The following LINGO2 variants were observed in gnomAD, a reference collection of about 807,000 sequenced individuals.
LINGO2 encodes leucine rich repeat and Ig domain containing 2.
A neutral mutation model predicts 30.6 loss-of-function variants in LINGO2; 14 were observed. The ratio of observed to expected loss-of-function variants is 0.46; its 90% confidence interval spans 0.30 to 0.72. LINGO2 has a LOEUF of 0.72. LINGO2 is among the 30% of genes least tolerant of loss of function. The pLI is 0.07. For synonymous variants in LINGO2, 317 were observed against 288.5 expected (o/e 1.10, Z -1.00); for missense variants, 729 against 751.7 (o/e 0.97, Z 0.35).
intron 1 of LINGO2, among the ~76,000 whole-genome samples, chr9:28,600,342 T>C (rs1001089173): frequency 6.6e-6 from 1 of 152,182 alleles, no homozygotes; most frequent in Admixed American, 6.6e-5. Flanking sequence ...ATGACAATAT[T>C]GCATTCATGA....
At chr9:28,877,965 C>T in the LINGO2 span, among the ~76,000 whole-genome samples, 1 of 152,114 alleles carries the variant, frequency 6.6e-6, no homozygotes, top group African/African-American at 2.4e-5. Context: ...AGAGGTCCTT[C>T]ACGTCCCTTG....
At chr9:28,103,565 C>A (rs1216711089) in intron 4 of LINGO2, among the ~76,000 whole-genome samples, 1 of 152,136 alleles carries the variant, frequency 6.6e-6, no homozygotes, top group Non-Finnish European at 1.5e-5. Flanking sequence ...AGCCAGCAGT[C>A]CCAAGAAGCA....
intron 1 of LINGO2, among the ~76,000 whole-genome samples, chr9:28,663,644 T>C (rs1189594514): frequency 6.6e-6 from 1 of 152,192 alleles, no homozygotes; most frequent in Admixed American, 6.6e-5. Context: ...ATCTCCAAAG[T>C]ATGTATTAAT....
At position 28,064,936 on chromosome 9, in the gene LINGO2, G is replaced by A. The variant is rs144195508; in HGVS notation, c.-86-52531C>T. 5.3e-5 allele frequency among the ~76,000 whole-genome samples: 8 copies of A among 151,576 alleles called. No individual in the cohort carries two copies. In the East Asian group the frequency reaches 1.6e-3, roughly 30 times the overall value. ...CTTGAAAACACAGGGTTCTGTGAAC[G>A]TGTTAAATAGTGACTTGGTAAGGCA... On this transcript the variant is annotated intron_variant, in intron 4 of 5. Coordinates refer to ENST00000379992, the Ensembl canonical transcript of LINGO2.
At chr9:28,867,711 A>G in the LINGO2 span, among the ~76,000 whole-genome samples, 1 of 152,152 alleles carries the variant, frequency 6.6e-6, no homozygotes, top group Non-Finnish European at 1.5e-5. Flanking sequence ...GAGGCACACA[A>G]AAAAGTGTAA....
chr9:28,198,791 T>C (rs13288418), intron 4 of LINGO2, among the ~76,000 whole-genome samples: 1 of 152,036 alleles, frequency 6.6e-6, no homozygotes, highest in Non-Finnish European at 1.5e-5. Flanking sequence ...CTCAGTAAAG[T>C]TTAGGACAAG....
chr9:28,138,699 A>C (rs1827590829), intron 4 of LINGO2, among the ~76,000 whole-genome samples: 1 of 152,188 alleles, frequency 6.6e-6, no homozygotes, highest in Admixed American at 6.5e-5. Context: ...CATCATATAA[A>C]ACCTTACTAA....
chr9:28,671,399 A>AT (rs762799676), upstream of LINGO2, among the ~76,000 whole-genome samples: 12 of 151,524 alleles, frequency 7.9e-5, no homozygotes, highest in Non-Finnish European at 1.6e-4. Flanking sequence ...TCAGTGGCAG[A>AT]TTGGATAAAC....
Position 28,129,699 on chromosome 9 carries a change from G to GT in LINGO2, c.-86-117295dup, listed in dbSNP as rs1827331052. 6.6e-6 allele frequency: 1 copy of GT among 152,190 alleles called. No individual in the cohort carries two copies. The highest frequency in any genetic ancestry group is 6.5e-5 in the Admixed American group (1 of 15,276). The allele number at this position is 152,190 out of a possible 1,614,324, so 9.4% of individuals were successfully genotyped here. Reference sequence around the variant, plus strand: ...ATTAGTTTTTATTAGTGGTCCCATTGTAAATTTGAAAATTTCATTGCTCAA... The same window carrying GT: ...ATTAGTTTTTATTAGTGGTCCCATTGTTAAATTTGAAAATTTCATTGCTCAA... On this transcript the variant is annotated intron_variant, in intron 4 of 5. Coordinates refer to ENST00000379992, the Ensembl canonical transcript of LINGO2. This position sits in a 1 kb window ranked among gnomAD's most constrained non-coding sequence, Gnocchi z 4.0.
At chr9:28,082,936 C>A (rs1825812983) in intron 4 of LINGO2, among the ~76,000 whole-genome samples, 1 of 152,080 alleles carries the variant, frequency 6.6e-6, no homozygotes, top group South Asian at 2.1e-4. Context: ...ATCTTAATGA[C>A]CCACACTGAT....
chr9:28,790,998 T>G, the LINGO2 span, among the ~76,000 whole-genome samples: 7,247 of 152,222 alleles, frequency 0.048, 258 homozygotes, highest in Non-Finnish European at 0.074. Context: ...TGAATCTTGC[T>G]TACAGTTTCC....
At chr9:28,682,300 T>C in the LINGO2 span, among the ~76,000 whole-genome samples, 3 of 152,194 alleles carry the variant, frequency 2.0e-5, no homozygotes, top group African/African-American at 7.2e-5. Context: ...ATTAACACAG[T>C]GGTCTTTCCT....
intron 4 of LINGO2, among the ~76,000 whole-genome samples, chr9:28,078,009 G>A (rs374761439): frequency 6.7e-6 from 1 of 149,338 alleles, no homozygotes; most frequent in East Asian, 1.9e-4. Context: ...TGGTTAAGTG[G>A]TGGTTTAACA....
intron 1 of LINGO2, among the ~76,000 whole-genome samples, chr9:28,492,826 A>C (rs1826449944): frequency 6.6e-6 from 1 of 151,998 alleles, no homozygotes; most frequent in African/African-American, 2.4e-5. Context: ...AGGACTCCTA[A>C]AAGAAAAACA....
the LINGO2 span, among the ~76,000 whole-genome samples, chr9:29,130,794 A>C: frequency 2.0e-5 from 3 of 151,102 alleles, no homozygotes; most frequent in African/African-American, 7.4e-5. Context: ...ACTGCTCAAC[A>C]ATTACAACCG....
chr9:28,783,006 T>C, the LINGO2 span, among the ~76,000 whole-genome samples: 2 of 152,238 alleles, frequency 1.3e-5, no homozygotes, highest in Non-Finnish European at 2.9e-5. Context: ...AAGGATTATG[T>C]ATCTATACAT....
chr9:28,012,453 G>T (rs995644018), intron 4 of LINGO2: 5 of 151,964 alleles, frequency 3.3e-5, no homozygotes, highest in African/African-American at 1.2e-4. Context: ...GAGTCTTCTA[G>T]GTTCTAACCT....
intron 1 of LINGO2, among the ~76,000 whole-genome samples, chr9:28,489,896 CAAAA>C (rs36068240): frequency 1.5e-5 from 1 of 66,920 alleles, no homozygotes; most frequent in East Asian, 3.6e-4. Context: ...GACTTTGTCT[CAAAA>C]AAAAAAAAAA....
chr9:28,396,565 A>G (rs939675381), intron 2 of LINGO2, among the ~76,000 whole-genome samples: 11 of 151,842 alleles, frequency 7.2e-5, no homozygotes, highest in Non-Finnish European at 1.5e-4. Flanking sequence ...TTAGCCGGGC[A>G]TGGTGGCGGG....
Sources: gnomAD v4.1 joint callset for allele counts (sites outside exome capture counted in the v4.1 genomes callset) on GRCh38, gnomAD v4.1.1 for gene constraint, Gnocchi (gnomAD v3.1) non-coding constraint, MANE v1.5 for transcripts, NCBI Gene and HGNC (gene_info 2026-07-23, HGNC 2026-07-21) for gene names.